Variants in SIPA1L2 observed in about 807,000 individuals in gnomAD.
SIPA1L2 encodes signal induced proliferation associated 1 like 2.
A neutral mutation model predicts 163.9 loss-of-function variants in SIPA1L2; 56 were observed. The ratio of observed to expected loss-of-function variants is 0.34; its 90% CI spans 0.28 to 0.43. The LOEUF (loss-of-function observed/expected upper bound fraction) is 0.43. Among genes scored for constraint, SIPA1L2 ranks in the 20% least tolerant of loss-of-function variants. The pLI is 1.00. For missense variants in SIPA1L2, 1,974 were observed against 2,193.5 expected (o/e 0.90, Z 2.00); for synonymous variants, 877 against 865.7 (o/e 1.01, Z -0.23).
intron 1 of SIPA1L2, among the ~76,000 whole-genome samples, chr1:232,576,921 CAGA>C (rs1660109139): frequency 6.6e-6 from 1 of 152,094 alleles, no homozygotes; most frequent in African/African-American, 2.4e-5. Flanking sequence ...GAGGAGGCTG[CAGA>C]AGAAAAGTCT....
intron 2 of SIPA1L2, among the ~76,000 whole-genome samples, chr1:232,523,975 G>C (rs1372685741): frequency 6.6e-6 from 1 of 152,144 alleles, no homozygotes; most frequent in Non-Finnish European, 1.5e-5. Context: ...TTTAAAAACA[G>C]TAATTTTAGC....
chr1:232,517,905 G>A (rs1188350333), intron 2 of SIPA1L2, among the ~76,000 whole-genome samples: 8 of 152,042 alleles, frequency 5.3e-5, no homozygotes, highest in African/African-American at 1.4e-4. Flanking sequence ...TAATTAGCCC[G>A]GCGTGGCGGT....
intron 6 of SIPA1L2, among the ~76,000 whole-genome samples, chr1:232,482,595 A>C (rs529646905): frequency 1.3e-5 from 2 of 152,326 alleles, no homozygotes; most frequent in East Asian, 3.9e-4. Flanking sequence ...TGTAGTGGAC[A>C]ACTAGGGGGC....
At chr1:232,413,661 T>C (rs12060847) in intron 19 of SIPA1L2, among the ~76,000 whole-genome samples, 1,980 of 152,354 alleles carry the variant, frequency 0.013, 44 homozygotes, top group African/African-American at 0.045. Flanking sequence ...GCGCTTCTCC[T>C]TTGGTTATCT....
At chr1:232,547,124 G>A (rs1269098602) in intron 2 of SIPA1L2, among the ~76,000 whole-genome samples, 2 of 152,164 alleles carry the variant, frequency 1.3e-5, no homozygotes, top group Non-Finnish European at 2.9e-5. Flanking sequence ...GGCAGAGGGT[G>A]GGAGAAAACT....
chr1:232,563,630 T>C (rs1225365862), intron 2 of SIPA1L2, among the ~76,000 whole-genome samples: 2 of 152,212 alleles, frequency 1.3e-5, no homozygotes. Flanking sequence ...TTTAGGAAAA[T>C]ACAGATGTTG....
chr1:232,496,273 G>A (rs1035624719), intron 3 of SIPA1L2, among the ~76,000 whole-genome samples: 2 of 152,162 alleles, frequency 1.3e-5, no homozygotes, highest in African/African-American at 4.8e-5. Context: ...ACAGTATTCA[G>A]TACAGTAACA....
At chr1:232,412,414 C>A (rs1661010797) in intron 19 of SIPA1L2, among the ~76,000 whole-genome samples, 1 of 152,158 alleles carries the variant, frequency 6.6e-6, no homozygotes, top group Non-Finnish European at 1.5e-5. Context: ...TTTTGAACTG[C>A]CTTTGTTAGT....
chr1:232,431,796 C>T (rs966594864), intron 16 of SIPA1L2, among the ~76,000 whole-genome samples: 5 of 152,126 alleles, frequency 3.3e-5, no homozygotes, highest in African/African-American at 1.2e-4. Flanking sequence ...ACGTGCCCAC[C>T]ACGCCCCCCT....
At chr1:232,462,988 A>G (rs1664318758) in intron 9 of SIPA1L2, among the ~76,000 whole-genome samples, 1 of 152,212 alleles carries the variant, frequency 6.6e-6, no homozygotes, top group Non-Finnish European at 1.5e-5. Flanking sequence ...CATGGACCCA[A>G]TTATCACACG....
chr1:232,575,334 C>T (rs779773853), intron 1 of SIPA1L2, among the ~76,000 whole-genome samples: 11 of 152,102 alleles, frequency 7.2e-5, no homozygotes, highest in Non-Finnish European at 1.3e-4. Context: ...GCATTAACAG[C>T]GTTCCTTTCA....
At chr1:232,509,522 C>T (rs1020669234) in intron 3 of SIPA1L2, among the ~76,000 whole-genome samples, 1 of 152,156 alleles carries the variant, frequency 6.6e-6, no homozygotes, top group African/African-American at 2.4e-5. Context: ...TCAAAAACAT[C>T]GTTATCTGTG....
intron 10 of SIPA1L2, among the ~76,000 whole-genome samples, chr1:232,450,999 A>T (rs1296243486): frequency 6.6e-6 from 1 of 152,320 alleles, no homozygotes; most frequent in South Asian, 2.1e-4. Flanking sequence ...CTTTTGCCCT[A>T]ATAAAAATTA....
chr1:232,450,824 A>G (rs1177017456), intron 10 of SIPA1L2, among the ~76,000 whole-genome samples: 1 of 152,220 alleles, frequency 6.6e-6, no homozygotes, highest in East Asian at 1.9e-4. Flanking sequence ...GGAAAGAAAC[A>G]TGTAATATAA....
chr1:232,618,530 T>A (rs1662625363), intron 1 of SIPA1L2, among the ~76,000 whole-genome samples: 2 of 151,972 alleles, frequency 1.3e-5, no homozygotes, highest in African/African-American at 4.8e-5. Flanking sequence ...GGCGTGCGCC[T>A]ATAATCCCAG....
chr1:232,471,591 T>G, intron 7 of SIPA1L2, 63 bp from the exon 8 acceptor site: 1 of 1,290,020 alleles, frequency 7.8e-7, no homozygotes, highest in Non-Finnish European at 1.0e-6. Context: ...ATATATATAA[T>G]TCACTCATCT....
At chr1:232,550,628 A>C (rs952029628) in intron 2 of SIPA1L2, among the ~76,000 whole-genome samples, 1 of 152,228 alleles carries the variant, frequency 6.6e-6, no homozygotes, top group Non-Finnish European at 1.5e-5. Flanking sequence ...CAGCAGCAGC[A>C]GTAGCAGCAA....
intron 3 of SIPA1L2, among the ~76,000 whole-genome samples, chr1:232,512,636 G>T (rs1424309750): frequency 6.6e-6 from 1 of 152,088 alleles, no homozygotes. Flanking sequence ...ACCAAACGCT[G>T]CATGTTCTCA....
intron 2 of SIPA1L2, among the ~76,000 whole-genome samples, chr1:232,539,210 T>C (rs531089052): frequency 1.3e-4 from 20 of 152,180 alleles, no homozygotes; most frequent in African/African-American, 4.3e-4. Context: ...CTGATGCCAG[T>C]TGAAACCCTT....
Sources: allele counts gnomAD v4.1 joint callset (sites outside exome capture counted in the v4.1 genomes callset), GRCh38; gene constraint gnomAD v4.1.1; transcripts MANE v1.5; gene names NCBI Gene and HGNC (gene_info 2026-07-23, HGNC 2026-07-21).